Variants in SDR42E2 observed in about 807,000 individuals in gnomAD.
SDR42E2 encodes putative short-chain dehydrogenase/reductase family 42E member 2.
In SDR42E2, 20 loss-of-function variants were observed where a neutral mutation model predicts 10.5. The observed-to-expected ratio is 1.90, with a 90% CI of 1.34 to 2.77. The LOEUF (loss-of-function observed/expected upper bound fraction) is 2.77, where lower values mean the gene tolerates loss of function less well. SDR42E2 is among the 30% of genes most tolerant of loss of function. The pLI is 0.00. For synonymous variants in SDR42E2, 72 were observed against 39.2 expected, an observed-to-expected ratio of 1.84 and a Z score of -3.12; for missense variants, 162 against 104.2, an observed-to-expected ratio of 1.55 and a Z score of -2.42.
chr16:22,170,153 G>A (rs1428711804), intron 5 of SDR42E2, among the ~76,000 whole-genome samples: 5 of 152,124 alleles, frequency 3.3e-5, no homozygotes, highest in South Asian at 2.1e-4. Flanking sequence ...TCGGGAGTTC[G>A]GGGCTAGACT....
At chr16:22,171,125 C>T (rs2046596546) in intron 6 of SDR42E2, among the ~76,000 whole-genome samples, 174 bp downstream of exon 6, 1 of 152,232 alleles carries the variant, frequency 6.6e-6, no homozygotes, top group African/African-American at 2.4e-5. Flanking sequence ...GTCACACCTG[C>T]AGGGGCATTG....
chr16:22,185,018 G>A (rs545131017), intron 11 of SDR42E2, among the ~76,000 whole-genome samples: 1 of 152,246 alleles, frequency 6.6e-6, no homozygotes, highest in South Asian at 2.1e-4. Flanking sequence ...AGGTCACCCT[G>A]AAGTTAGGGC....
At chr16:22,168,655 C>T (rs927290395) in intron 4 of SDR42E2, among the ~76,000 whole-genome samples, 8 of 152,026 alleles carry the variant, frequency 5.3e-5, no homozygotes, top group African/African-American at 1.7e-4. Context: ...GGTGGATCAC[C>T]TGAGGTCAGG....
chr16:22,190,692 A>C lies in SDR42E2; in HGVS notation c.*299A>C. The C allele has an allele frequency of 2.9e-6, 1 of 339,552 alleles. No homozygotes were observed. The highest frequency in any genetic ancestry group is 5.3e-6 in the Non-Finnish European group (1 of 188,820). The allele number at this position is 339,552 out of a possible 1,614,324, so 21.0% of individuals were successfully genotyped here. On this transcript the variant is annotated 3_prime_UTR_variant, in exon 13 of 13. Coordinates refer to ENST00000602312, the MANE Select transcript of SDR42E2 (RefSeq NM_001394319.2). ...GGCACGCTCCTGCTCCGCCCCCTGAATCCTGGCCACGTCCCTGGTCGGCCC... is the reference window on the plus strand; with the variant it reads ...GGCACGCTCCTGCTCCGCCCCCTGACTCCTGGCCACGTCCCTGGTCGGCCC...
intron 5 of SDR42E2, among the ~76,000 whole-genome samples, chr16:22,170,295 G>A (rs1476093970): frequency 1.3e-5 from 2 of 150,778 alleles, no homozygotes; most frequent in Admixed American, 6.6e-5. Flanking sequence ...GGGAAGTTGT[G>A]GTGAGCCGAG....
intron 10 of SDR42E2, 71 bp downstream of exon 10, chr16:22,182,348 T>TA (rs2046702705): frequency 7.5e-6 from 3 of 400,222 alleles, no homozygotes; most frequent in South Asian, 1.3e-4. Flanking sequence ...CCTTTTTATT[T>TA]TTTTTTTTAA....
chr16:22,165,495 TG>T, intron 1 of SDR42E2, 51 bp from the exon 2 acceptor site: 1 of 400,244 alleles, frequency 2.5e-6, no homozygotes, highest in Non-Finnish European at 4.4e-6. Flanking sequence ...TAATAATTTA[TG>T]TGACTTGAAA....
intron 4 of SDR42E2, among the ~76,000 whole-genome samples, chr16:22,168,506 T>C (rs1221209908): frequency 6.6e-6 from 1 of 151,660 alleles, no homozygotes; most frequent in Non-Finnish European, 1.5e-5. Flanking sequence ...CCTGAAGTGA[T>C]CCGCCCACCT....
At chr16:22,166,883 T>C in intron 3 of SDR42E2, 21 bp from the exon 4 acceptor site, 1 of 644,900 alleles carries the variant, frequency 1.6e-6, no homozygotes, top group South Asian at 1.6e-5. Flanking sequence ...CCTGCCCTCA[T>C]CTCTTCTTCC....
At chr16:22,179,459 T>C (rs9935287) in intron 8 of SDR42E2, among the ~76,000 whole-genome samples, 4,417 of 152,312 alleles carry the variant, frequency 0.029, 203 homozygotes, top group African/African-American at 0.1. Context: ...AGATGATTCC[T>C]GTCCTTGTGG....
chr16:22,164,221 A>T lies in SDR42E2; in HGVS notation c.-36-1326A>T, dbSNP rs550048669. Reference sequence around the variant, plus strand: ...ATTGCTTGAGTTCCAGGAGTTCACTACTAGCCTGGGCAACAGAGTGAGACT... The same window carrying T: ...ATTGCTTGAGTTCCAGGAGTTCACTTCTAGCCTGGGCAACAGAGTGAGACT... On this transcript the variant is annotated intron_variant, in intron 1 of 12. Coordinates refer to ENST00000602312, the MANE Select transcript of SDR42E2 (RefSeq NM_001394319.2). Among the ~76,000 whole-genome samples the T allele has an allele frequency of 2.4e-4, 36 of 152,122 alleles. No homozygotes were observed. In the South Asian group the frequency reaches 7.1e-3, roughly 30 times the overall value.
chr16:22,166,858 C>T (rs1430870163), intron 3 of SDR42E2, 46 bp from the exon 4 acceptor site: 1 of 574,618 alleles, frequency 1.7e-6, no homozygotes, highest in Non-Finnish European at 3.2e-6. Context: ...TATCTCTTGC[C>T]TTGGACTTGA....
chr16:22,169,169 G>A (rs2046571590), intron 4 of SDR42E2, among the ~76,000 whole-genome samples: 1 of 152,168 alleles, frequency 6.6e-6, no homozygotes, highest in African/African-American at 2.4e-5. Context: ...CCTCTCAAGT[G>A]TCTTATTGAG....
intron 12 of SDR42E2, among the ~76,000 whole-genome samples, chr16:22,189,568 T>C (rs936021476): frequency 1.3e-4 from 20 of 152,324 alleles, no homozygotes; most frequent in African/African-American, 4.8e-4. Flanking sequence ...CCCCAAGCCA[T>C]CTGGCAGCAG....
Position 22,190,483 on chromosome 16 carries a change from C to T in SDR42E2, c.*90C>T, listed in dbSNP as rs1377218122. The T allele has an allele frequency of 1.8e-5, 7 of 399,900 alleles. No homozygotes were observed. The East Asian group carries it at 2.1e-4, about 12-fold the overall frequency. 24.8% of individuals were successfully genotyped at this position (399,900 alleles called of 1,614,324 possible). On this transcript the variant is annotated 3_prime_UTR_variant, in exon 13 of 13. Transcript: ENST00000602312. ...GGGCTTGTACCAGCCCCTGCCCCGC[C>T]TTCTGGGTTTGAGCGCGCCTCCGCT...
intron 8 of SDR42E2, among the ~76,000 whole-genome samples, chr16:22,179,233 C>A (rs1210787225): frequency 6.6e-6 from 1 of 152,172 alleles, no homozygotes; most frequent in Non-Finnish European, 1.5e-5. Flanking sequence ...AACCAATCCT[C>A]CTGCCTCAAC....
chr16:22,170,589 C>T (rs1598132397), intron 5 of SDR42E2, among the ~76,000 whole-genome samples: 2 of 152,116 alleles, frequency 1.3e-5, no homozygotes. Flanking sequence ...GCAGACCTGG[C>T]TCCCAGGGGC....
intron 1 of SDR42E2, among the ~76,000 whole-genome samples, chr16:22,164,088 C>T (rs567608612): frequency 4.6e-5 from 7 of 151,836 alleles, no homozygotes; most frequent in East Asian, 1.9e-4. Context: ...GGGGGATGGA[C>T]GATGGTGACA....
In SDR42E2 at chr16:22,170,933, A is replaced by G. The variant is rs1021942925; in HGVS notation, c.495A>G (p.Pro165=). The G allele has an allele frequency of 2.4e-5, 17 of 702,924 alleles. No homozygotes were observed. Among genetic ancestry groups the G allele is most frequent in the Middle Eastern group, 2.3e-4 (1 of 4,392 alleles). The allele number at this position is 702,924 out of a possible 1,614,324, so 43.5% of individuals were successfully genotyped here. A position where few individuals can be genotyped will look rare whatever the true frequency, so the allele number is the denominator to read the frequency against. The stretch of plus-strand genomic sequence containing the variant: ...AGCAGGGCGATGAGGACTCTGTGCC[A>G]TATTTCCCATTGGACGAGGTACCTG... ...PIEQGDEDSV[P]YFPLDEHVDH... is the part of the protein sequence containing the mutation. Residue 165 remains proline, a synonymous_variant, in exon 6 of 13, where the codon CCA becomes CCG. Transcript: ENST00000602312.
Sources: gnomAD v4.1 joint callset for allele counts (sites outside exome capture counted in the v4.1 genomes callset) on GRCh38, gnomAD v4.1.1 for gene constraint, MANE v1.5 for transcripts, NCBI Gene and HGNC (gene_info 2026-07-23, HGNC 2026-07-21) for gene names.